Variants in STK32B observed in about 807,000 individuals in gnomAD.
STK32B encodes serine/threonine kinase 32B.
A neutral mutation model predicts 52.6 loss-of-function variants in STK32B; 43 were observed. That is an observed-to-expected ratio of 0.82 (90% confidence interval 0.64 to 1.05). The LOEUF is 1.05. STK32B is among the 50% of genes least tolerant of loss of function. STK32B has a pLI of 0.00. For missense variants in STK32B, 621 were observed against 534.6 expected (o/e 1.16, Z -1.59); for synonymous variants, 238 against 204.3 (o/e 1.17, Z -1.41).
intron 1 of STK32B, among the ~76,000 whole-genome samples, chr4:5,064,413 T>C (rs1290662244): frequency 6.8e-4 from 82 of 120,482 alleles, no homozygotes; most frequent in African/African-American, 2.4e-3. Context: ...ACATATAATA[T>C]ATAAATATAT....
intron 3 of STK32B, among the ~76,000 whole-genome samples, chr4:5,273,735 C>G (rs1422468153): frequency 7.7e-6 from 1 of 130,350 alleles, no homozygotes; most frequent in African/African-American, 3.1e-5. Context: ...AGTAAACTAT[C>G]GCAAGAACAA....
chr4:5,148,639 T>C (rs977210258), intron 2 of STK32B, among the ~76,000 whole-genome samples: 2 of 151,846 alleles, frequency 1.3e-5, no homozygotes, highest in African/African-American at 4.8e-5. Context: ...ACTCATTTTA[T>C]GCCCAACTTA....
intron 11 of STK32B, among the ~76,000 whole-genome samples, chr4:5,484,008 C>G (rs974013724): frequency 7.9e-5 from 12 of 152,044 alleles, no homozygotes; most frequent in African/African-American, 2.2e-4. Flanking sequence ...TTACTTCCAA[C>G]TATGTGGTCA....
chr4:5,235,554 A>G (rs1724569064), intron 3 of STK32B, among the ~76,000 whole-genome samples: 1 of 152,222 alleles, frequency 6.6e-6, no homozygotes, highest in Non-Finnish European at 1.5e-5. Context: ...GATTTCAGAT[A>G]ATAGAAAGTT....
chr4:5,131,941 A>G (rs1173839311), intron 1 of STK32B, among the ~76,000 whole-genome samples: 2 of 150,274 alleles, frequency 1.3e-5, no homozygotes, highest in Non-Finnish European at 3.0e-5. Context: ...AGATGAGATT[A>G]ACTGAAGGAT....
At chr4:5,156,067 T>A (rs964194505) in intron 2 of STK32B, among the ~76,000 whole-genome samples, 1 of 151,782 alleles carries the variant, frequency 6.6e-6, no homozygotes, top group Admixed American at 6.6e-5. Flanking sequence ...GTACACATAT[T>A]CATAGATACA....
chr4:5,435,596 A>T (rs1187250390), intron 6 of STK32B: 1 of 152,262 alleles, frequency 6.6e-6, no homozygotes, highest in Non-Finnish European at 1.5e-5. Flanking sequence ...GAGCTTAGAC[A>T]GTGCTTGGCA....
At chr4:5,338,481 CA>C (rs1732854051) in intron 4 of STK32B, among the ~76,000 whole-genome samples, 1 of 152,098 alleles carries the variant, frequency 6.6e-6, no homozygotes, top group South Asian at 2.1e-4. Context: ...CTTTACAGAT[CA>C]GTTGTATATG....
At position 5,481,856 on chromosome 4, in the gene STK32B, T is replaced by G. The variant is rs1201271692; in HGVS notation, c.1106+13786T>G. Among the ~76,000 whole-genome samples, 66 of 152,304 alleles carry G rather than the reference T, an allele frequency of 4.3e-4. 2 individuals are homozygous for G. In the Middle Eastern group the frequency reaches 0.024, roughly 55 times the overall value. The stretch of plus-strand genomic sequence containing the variant: ...TTAAATAGGGAATCATTTCCCCATT[T>G]CTTGTTTTTGTCAGGTTTGTCAAAG... On this transcript the variant is annotated intron_variant, in intron 11 of 11. Coordinates refer to ENST00000282908, the MANE Select transcript of STK32B (RefSeq NM_018401.3).
chr4:5,242,158 A>T (rs1040508853), intron 3 of STK32B, among the ~76,000 whole-genome samples: 10 of 152,182 alleles, frequency 6.6e-5, no homozygotes, highest in Non-Finnish European at 8.8e-5. Flanking sequence ...CCATACTGAC[A>T]TCCACAATGG....
chr4:5,478,341 T>A (rs1247234193), intron 11 of STK32B, among the ~76,000 whole-genome samples: 1 of 152,130 alleles, frequency 6.6e-6, no homozygotes, highest in East Asian at 1.9e-4. Flanking sequence ...GAGGAGACGA[T>A]GGTAAGAGAA....
At chr4:5,150,888 C>T (rs556601053) in intron 2 of STK32B, among the ~76,000 whole-genome samples, 5 of 152,112 alleles carry the variant, frequency 3.3e-5, no homozygotes, top group African/African-American at 9.7e-5. Flanking sequence ...TTTATGGCTT[C>T]AGGAAAATTG....
At chr4:5,136,518 C>G (rs1269470063) in intron 1 of STK32B, among the ~76,000 whole-genome samples, 1 of 152,158 alleles carries the variant, frequency 6.6e-6, no homozygotes, top group Non-Finnish European at 1.5e-5. Flanking sequence ...ACCAAGGGTG[C>G]CAAACTGGTT....
intron 1 of STK32B, among the ~76,000 whole-genome samples, chr4:5,109,987 G>C (rs576934975): frequency 1.2e-4 from 18 of 149,410 alleles, no homozygotes; most frequent in African/African-American, 3.9e-4. Context: ...TTCATACCGA[G>C]AACCAATCCC....
rs945375768 is a variant in STK32B, at chr4:5,378,472, C to A, written c.435-19735C>A. 1.3e-5 allele frequency among the ~76,000 whole-genome samples: 2 copies of A among 152,130 alleles called. No homozygotes were observed. Among genetic ancestry groups the A allele is most frequent in the African/African-American group, 4.8e-5 (2 of 41,424 alleles). On this transcript the variant is annotated intron_variant, in intron 4 of 11. Coordinates refer to ENST00000282908, the MANE Select transcript of STK32B (RefSeq NM_018401.3). This position sits in a 1 kb window ranked among gnomAD's most constrained non-coding sequence, Gnocchi z 4.4. ...TAAATCATTTACAATTATCATGATT[C>A]CTGATACATTTGAACTTGTTTATTT...
Position 5,316,801 on chromosome 4 carries a change from T to TA in STK32B, c.261-14419_261-14418insA, listed in dbSNP as rs1358770888. Among the ~76,000 whole-genome samples, 4 of 8,296 alleles carry TA rather than the reference T, an allele frequency of 4.8e-4. 1 individual carries two copies. The highest frequency in any genetic ancestry group is 2.9e-3 in the African/African-American group (3 of 1,026). 5.4% of individuals were successfully genotyped at this position (8,296 alleles called of 152,430 possible). On this transcript the variant is annotated intron_variant, in intron 3 of 11. Coordinates refer to ENST00000282908, the MANE Select transcript of STK32B (RefSeq NM_018401.3). The stretch of plus-strand genomic sequence containing the variant: ...ATATATTATACATATATATTATATA[T>TA]TATATATATTATATATTATATCATA...
At chr4:5,417,041 T>A in intron 6 of STK32B, 107 bp downstream of exon 6, 1 of 1,003,694 alleles carries the variant, frequency 1.0e-6, no homozygotes, top group South Asian at 1.6e-5. Flanking sequence ...TACCCTCCCA[T>A]GCTCACATGA....
At chr4:5,234,259 G>A (rs1460645342) in intron 3 of STK32B, among the ~76,000 whole-genome samples, 1 of 152,184 alleles carries the variant, frequency 6.6e-6, no homozygotes, top group Non-Finnish European at 1.5e-5. Context: ...TACTGTTCTT[G>A]TTTTTTCTCA....
At chr4:5,164,824 C>T (rs1718744512) in intron 2 of STK32B, among the ~76,000 whole-genome samples, 1 of 152,192 alleles carries the variant, frequency 6.6e-6, no homozygotes, top group African/African-American at 2.4e-5. Flanking sequence ...GAAGACCCAC[C>T]CGTTGGAGAC....
Sources: gnomAD v4.1 joint callset for allele counts (sites outside exome capture counted in the v4.1 genomes callset) on GRCh38, gnomAD v4.1.1 for gene constraint, Gnocchi (gnomAD v3.1) non-coding constraint, MANE v1.5 for transcripts, NCBI Gene and HGNC (gene_info 2026-07-23, HGNC 2026-07-21) for gene names.